The following AOC3 variants were observed in gnomAD, a reference collection of about 807,000 sequenced individuals.
AOC3 encodes the protein amine oxidase [copper-containing] 3.
AOC3 carries 47 observed loss-of-function variants against 55.4 expected under a neutral mutation model. The observed-to-expected ratio is 0.85, with a 90% confidence interval of 0.67 to 1.08. The LOEUF (loss-of-function observed/expected upper bound fraction) is 1.08. Ranked by LOEUF, AOC3 falls within the 50% of genes least tolerant of loss-of-function variation. The probability of loss-of-function intolerance (pLI) is 0.00; values close to 1 mark genes in which losing one functional copy is unlikely to be tolerated. For missense variants in AOC3, 853 were observed against 993.1 expected, an observed-to-expected ratio of 0.86 and a Z score of 1.90; for synonymous variants, 386 against 410.7, an observed-to-expected ratio of 0.94 and a Z score of 0.73.
rs778860348 is a variant in AOC3 at position 42,856,370 on chromosome 17, C to T, written c.2112C>T (p.Phe704=). Residue 704 remains phenylalanine, a synonymous_variant, in exon 4 of 4, where the codon TTC becomes TTT. Coordinates refer to ENST00000308423, the MANE Select transcript of AOC3 (RefSeq NM_003734.4). ...CTGTGGGGAACGGCGTGGGCTTCTT[C>T]CTCCGACCCTATAACTTCTTTGACG... ...TVTVGNGVGF[F]LRPYNFFDED... 4.3e-6 allele frequency: 7 copies of T among 1,614,206 alleles called. 1 individual carries two copies. In the South Asian group the frequency reaches 7.7e-5, roughly 18 times the overall value.
intron 3 of AOC3, 64 bp from the exon 4 acceptor site, chr17:42,856,211 T>C: frequency 6.3e-7 from 1 of 1,575,588 alleles, no homozygotes; most frequent in Non-Finnish European, 8.6e-7. Context: ...GTGAGCTGAA[T>C]CCCTACCAGG....
intron 1 of AOC3, chr17:42,853,209 A>G (rs1567690652): frequency 1.5e-6 from 2 of 1,324,558 alleles, no homozygotes; most frequent in Non-Finnish European, 1.9e-6. Context: ...GATTTGGGCT[A>G]ACAGTGTCCC....
chr17:42,852,632 G>C lies in AOC3; in HGVS notation c.1289G>C (p.Cys430Ser). 1 of 1,614,218 alleles carries C rather than the reference G, an allele frequency of 6.2e-7. No individual in the cohort carries two copies. Among genetic ancestry groups the C allele is most frequent in the East Asian group, 2.2e-5 (1 of 44,870 alleles). The stretch of plus-strand genomic sequence containing the variant: ...CCCAAGACAATACGTGATGCCTTTT[G>C]TGTGTTTGAACAGAACCAGGGCCTC... ...QAPKTIRDAF[C>S]VFEQNQGLPL... The change falls in exon 1 of 4, where the codon TGT (cysteine) becomes TCT (serine). Residue 430 changes from cysteine (C) to serine (S), a missense_variant. Transcript: ENST00000308423.
chr17:42,851,735 G>T lies in AOC3; in HGVS notation c.392G>T (p.Gly131Val). Residue 131 changes from glycine (G) to valine (V), a missense_variant, in exon 1 of 4, where the codon GGC becomes GTC. Transcript: ENST00000308423. ...GAGGCACTGGCCATCGTCTTCTTTG[G>T]CAGGCAACCCCAGCCCAACGTGAGT... The part of the protein sequence containing the change: ...AREALAIVFF[G>V]RQPQPNVSEL... The T allele has an allele frequency of 6.2e-7, 1 of 1,612,250 alleles. No homozygotes were observed.
chr17:42,855,602 A>G (rs2055739062), intron 3 of AOC3, 29 bp downstream of exon 3: 1 of 1,614,030 alleles, frequency 6.2e-7, no homozygotes, highest in Non-Finnish European at 8.5e-7. Flanking sequence ...AGGGTACAGG[A>G]TGAGCCTTGC....
chr17:42,855,028 G>A (rs943225611), intron 2 of AOC3, among the ~76,000 whole-genome samples: 1 of 152,016 alleles, frequency 6.6e-6, no homozygotes, highest in African/African-American at 2.4e-5. Flanking sequence ...TGTATTTTTA[G>A]TAGAGATAGG....
In AOC3 at chr17:42,856,815, G is replaced by A; in HGVS notation, c.*265G>A. On this transcript the variant is annotated 3_prime_UTR_variant, in exon 4 of 4. Coordinates refer to ENST00000308423, the MANE Select transcript of AOC3 (RefSeq NM_003734.4). Reference sequence around the variant, plus strand: ...CAGGCATGGCCCAGCCTGGAGCCGTGGCCGAGGGCTTCCCTAGATGGTTCC... The same window carrying A: ...CAGGCATGGCCCAGCCTGGAGCCGTAGCCGAGGGCTTCCCTAGATGGTTCC... The A allele has an allele frequency of 1.9e-6, 1 of 527,422 alleles. No homozygotes were observed. Among genetic ancestry groups the A allele is most frequent in the Non-Finnish European group, 3.4e-6 (1 of 298,156 alleles). 32.7% of individuals were successfully genotyped at this position (527,422 alleles called of 1,614,324 possible).
rs752268996 is a variant in AOC3 at position 42,852,062 on chromosome 17, T to C, written c.719T>C (p.Leu240Pro). Reference sequence around the variant, plus strand: ...AACATCTCGGGCGCTGGGTTCTTCCTGCACCACGTGGGCTTGGAGCTGCTA... The same window carrying C: ...AACATCTCGGGCGCTGGGTTCTTCCCGCACCACGTGGGCTTGGAGCTGCTA... Reference protein sequence around the residue: ...YYNISGAGFFLHHVGLELLVN... With the variant: ...YYNISGAGFFPHHVGLELLVN... The change falls in exon 1 of 4, where the codon CTG (leucine) becomes CCG (proline). Residue 240 changes from leucine (L) to proline (P), a missense_variant. Transcript: ENST00000308423. 1.9e-6 allele frequency: 3 copies of C among 1,613,798 alleles called. No individual in the cohort carries two copies. Among genetic ancestry groups the C allele is most frequent in the Non-Finnish European group, 2.5e-6 (3 of 1,179,868 alleles).
chr17:42,852,854 C>T lies in AOC3; in HGVS notation c.1511C>T (p.Thr504Ile). 1 of 1,613,836 alleles carries T rather than the reference C, an allele frequency of 6.2e-7. No homozygotes were observed. The highest frequency in any genetic ancestry group is 8.5e-7 in the Non-Finnish European group (1 of 1,179,810). Reference sequence around the variant, plus strand: ...AGCTCGGCATTCCTCTTTGGTGCTACTGGGAAGTACGGGAACCAAGTGTCA... The same window carrying T: ...AGCTCGGCATTCCTCTTTGGTGCTATTGGGAAGTACGGGAACCAAGTGTCA... ...YISSAFLFGA[T>I]GKYGNQVSEH... The change falls in exon 1 of 4, where the codon ACT becomes ATT. Residue 504 changes from threonine to isoleucine, a missense_variant. Coordinates refer to ENST00000308423, the MANE Select transcript of AOC3 (RefSeq NM_003734.4).
Position 42,856,903 on chromosome 17 carries a change from C to CTAT in AOC3, c.*355_*357dup. 1 of 297,806 alleles carries CTAT rather than the reference C, an allele frequency of 3.4e-6. No homozygotes were observed. 18.4% of individuals were successfully genotyped at this position (297,806 alleles called of 1,614,324 possible). A position where few individuals can be genotyped will look rare whatever the true frequency, so the allele number is the denominator to read the frequency against. On this transcript the variant is annotated 3_prime_UTR_variant, in exon 4 of 4. Coordinates refer to ENST00000308423, the MANE Select transcript of AOC3 (RefSeq NM_003734.4). ...CACCTCCAAGGACTCTAAAAGGGGGCTATTCCCTGGAGACCCCAGAGTAGG... is the reference window on the plus strand; with the variant it reads ...CACCTCCAAGGACTCTAAAAGGGGGCTATTATTCCCTGGAGACCCCAGAGTAGG...
Position 42,852,944 on chromosome 17 carries a change from GT to G in AOC3, c.1600+2del. The G allele has an allele frequency of 1.3e-6, 2 of 1,597,944 alleles. No homozygotes were observed. Among genetic ancestry groups the G allele is most frequent in the South Asian group, 1.1e-5 (1 of 90,798 alleles). On this transcript the variant is annotated splice_donor_variant, in intron 1 of 3. Coordinates refer to ENST00000308423, the MANE Select transcript of AOC3 (RefSeq NM_003734.4). LOFTEE classifies it high-confidence loss of function. ...TTCAAGGTGGATCTGGATGTAGCAG[GT>G]AAGACATTTTGGTGGGGAGAAGGCT...
In AOC3 at chr17:42,854,605, C is replaced by A; in HGVS notation, c.1758C>A (p.Tyr586Ter). 2 of 1,604,242 alleles carry A rather than the reference C, an allele frequency of 1.2e-6. No homozygotes were observed. The highest frequency in any genetic ancestry group is 8.5e-7 in the Non-Finnish European group (1 of 1,174,840). ...AFLVGSATPRYLYLASNHSNK... is the reference protein window; with the variant it reads ...AFLVGSATPR Reference sequence around the variant, plus strand: ...TCGTGGGAAGCGCCACCCCTCGCTACCTGTACCTGGCCAGCAACCACAGCA... The same window carrying A: ...TCGTGGGAAGCGCCACCCCTCGCTAACTGTACCTGGCCAGCAACCACAGCA... Residue 586 changes from tyrosine (Y) to a stop codon, truncating the protein, a stop_gained, in exon 2 of 4, where the codon TAC becomes TAA. Coordinates refer to ENST00000308423, the MANE Select transcript of AOC3 (RefSeq NM_003734.4). LOFTEE classifies it high-confidence loss of function.
chr17:42,853,004 GC>G, intron 1 of AOC3, 61 bp downstream of exon 1: 1 of 1,555,506 alleles, frequency 6.4e-7, no homozygotes, highest in Non-Finnish European at 8.7e-7. Context: ...GTTTCCATTA[GC>G]TTTGGGTTTT....
chr17:42,851,415 G>A lies in AOC3; in HGVS notation c.72G>A (p.Leu24=). The change falls in exon 1 of 4, where the codon CTG becomes CTA. Residue 24 remains leucine, a synonymous_variant. Transcript: ENST00000308423. The stretch of plus-strand genomic sequence containing the variant: ...CCATCTTTGCCTTGGTTTGTGTCCT[G>A]CTGGTGGGCAGGGGTGGAGATGGGG... ...VITIFALVCV[L]LVGRGGDGGE... is the part of the protein sequence containing the mutation. 6.2e-7 allele frequency: 1 copy of A among 1,614,110 alleles called. No individual in the cohort carries two copies.
In AOC3 at chr17:42,855,568, G is replaced by A. The variant is rs1460874486; in HGVS notation, c.2011G>A (p.Gly671Arg). Reference sequence around the variant, plus strand: ...CTTCATCAACAATGAGACCATTGCTGGAAAGGTCAGCTGGCCGGGGTAGAG... The same window carrying A: ...CTTCATCAACAATGAGACCATTGCTAGAAAGGTCAGCTGGCCGGGGTAGAG... The part of the protein sequence containing the change: ...SDFINNETIA[G>R]KDLVAWVTAG... The change falls in exon 3 of 4, where the codon GGA (glycine) becomes AGA (arginine). Residue 671 changes from glycine to arginine, a missense_variant. Gly to Arg is a moderately radical substitution (Grantham distance 125). Transcript: ENST00000308423. The A allele has an allele frequency of 1.2e-6, 2 of 1,614,158 alleles. No homozygotes were observed. The highest frequency in any genetic ancestry group is 1.1e-5 in the South Asian group (1 of 91,062).
chr17:42,852,307 C>T lies in AOC3; in HGVS notation c.964C>T (p.Arg322Cys), dbSNP rs142692588. The change falls in exon 1 of 4, where the codon CGC becomes TGC. Residue 322 changes from arginine (R) to cysteine (C), a missense_variant. Transcript: ENST00000308423. Reference sequence around the variant, plus strand: ...TCTACAGTTCTATCCCCAAGGCCCCCGCTTCAGTGTCCAGGGAAGTCGAGT... The same window carrying T: ...TCTACAGTTCTATCCCCAAGGCCCCTGCTTCAGTGTCCAGGGAAGTCGAGT... ...PPLQFYPQGP[R>C]FSVQGSRVAS... is the part of the protein sequence containing the mutation. The T allele has an allele frequency of 4.3e-6, 7 of 1,613,994 alleles. No individual in the cohort carries two copies. Among genetic ancestry groups the T allele is most frequent in the South Asian group, 1.1e-5 (1 of 91,086 alleles).
intron 3 of AOC3, among the ~76,000 whole-genome samples, chr17:42,855,802 T>G (rs1478632901): frequency 2.0e-5 from 3 of 152,188 alleles, no homozygotes; most frequent in Non-Finnish European, 4.4e-5. Context: ...AGTTCCAGTT[T>G]CATGGACTGA....
chr17:42,856,670 T>C lies in AOC3; in HGVS notation c.*120T>C, dbSNP rs891990786. 67 of 1,211,590 alleles carry C rather than the reference T, an allele frequency of 5.5e-5. No homozygotes were observed. The African/African-American group carries it at 6.8e-4, about 12-fold the overall frequency. The allele number at this position is 1,211,590 out of a possible 1,614,324, so 75.1% of individuals were successfully genotyped here. A position where few individuals can be genotyped will look rare whatever the true frequency, so the allele number is the denominator to read the frequency against. On this transcript the variant is annotated 3_prime_UTR_variant, in exon 4 of 4. Coordinates refer to ENST00000308423, the MANE Select transcript of AOC3 (RefSeq NM_003734.4). ...CTTTCCTGTGCCAGGACTCTCTTTC[T>C]TCCACTACCCTCCCTCGCATCCGCC...
chr17:42,851,791 T>G lies in AOC3; in HGVS notation c.448T>G (p.Ser150Ala). The G allele has an allele frequency of 6.2e-7, 1 of 1,613,362 alleles. No homozygotes were observed. The highest frequency in any genetic ancestry group is 1.1e-5 in the South Asian group (1 of 91,082). The change falls in exon 1 of 4, where the codon TCC becomes GCC. Residue 150 changes from serine to alanine, a missense_variant. Physicochemically the swap from Ser to Ala is moderately conservative, Grantham distance 99 (BLOSUM62 1). Coordinates refer to ENST00000308423, the MANE Select transcript of AOC3 (RefSeq NM_003734.4). ...ELVVGPLPHP[S>A]YMRDVTVERH... ...GGTGGTGGGGCCACTGCCTCACCCC[T>G]CCTACATGCGGGACGTGACTGTGGA...
Sources: allele counts gnomAD v4.1 joint callset (sites outside exome capture counted in the v4.1 genomes callset), GRCh38; gene constraint gnomAD v4.1.1; transcripts MANE v1.5; gene names NCBI Gene and HGNC (gene_info 2026-07-23, HGNC 2026-07-21).